The following PEX16 variants were observed in gnomAD, a reference collection of about 807,000 sequenced individuals.
PEX16 encodes the protein peroxisomal biogenesis factor 16.
Under a neutral mutation model 50.5 loss-of-function variants are expected in PEX16, and 37 were observed. That is an observed-to-expected ratio of 0.73 (90% confidence interval 0.56 to 0.96). The LOEUF is 0.96. Among genes scored for constraint, PEX16 ranks in the 40% least tolerant of loss-of-function variants. PEX16 has a pLI of 0.00. For synonymous variants in PEX16, 185 were observed against 190.3 expected (o/e 0.97, Z 0.23); for missense variants, 401 against 438.3 (o/e 0.91, Z 0.76).
intron 3 of PEX16, 93 bp downstream of exon 3, chr11:45,916,134 T>G: frequency 1.1e-6 from 1 of 939,368 alleles, no homozygotes; most frequent in South Asian, 1.3e-5. Context: ...TGTCTCATAC[T>G]CCATGAGACA....
intron 2 of PEX16, chr11:45,917,140 T>C: frequency 1.5e-6 from 1 of 648,624 alleles, no homozygotes; most frequent in Non-Finnish European, 2.9e-6. Context: ...CTGAGCTTCT[T>C]CCTTAAATGG....
chr11:45,914,116 C>A lies in PEX16; in HGVS notation c.767+15G>T, dbSNP rs770254589. On this transcript the variant is annotated intron_variant, in intron 8 of 10. Coordinates refer to ENST00000378750, the MANE Select transcript of PEX16 (RefSeq NM_004813.4). ...GCCCAGTGGAGAGTGAAGCCCCAGG[C>A]AGGCCCAGGCTCACCTGGTCACGTC... is the stretch of plus-strand genomic sequence containing the variant. 4 of 1,589,978 alleles carry A rather than the reference C, an allele frequency of 2.5e-6. No homozygotes were observed. Among genetic ancestry groups the A allele is most frequent in the Non-Finnish European group, 3.4e-6 (4 of 1,167,388 alleles).
chr11:45,913,002 T>A (rs117348264), intron 9 of PEX16, among the ~76,000 whole-genome samples: 118,893 of 150,870 alleles, frequency 0.79, 48,991 homozygotes, highest in Non-Finnish European at 0.92. Context: ...ATTATTATTT[T>A]TTTTTTTTTT....
In PEX16 at chr11:45,909,700, G is replaced by C. The variant is rs1403994119; in HGVS notation, c.*554C>G. On this transcript the variant is annotated 3_prime_UTR_variant, in exon 11 of 11. Coordinates refer to ENST00000378750, the MANE Select transcript of PEX16 (RefSeq NM_004813.4). ...AGAAAAGCCTTTTACTCTCAACCGA[G>C]GATGCAGGGCTTAAAGTGCCACTTG... is the stretch of plus-strand genomic sequence containing the variant. The C allele has an allele frequency of 1.0e-5, 3 of 290,304 alleles. No individual in the cohort carries two copies. Among genetic ancestry groups the C allele is most frequent in the South Asian group, 9.0e-5 (2 of 22,104 alleles). 18.0% of individuals were successfully genotyped at this position (290,304 alleles called of 1,614,324 possible).
rs565706311 is a variant in PEX16, at chr11:45,914,381, G to A, written c.629C>T (p.Pro210Leu). The change falls in exon 7 of 11, where the codon CCC becomes CTC. Residue 210 changes from proline to leucine, a missense_variant. Physicochemically the swap from Pro to Leu is moderately conservative, Grantham distance 98 (BLOSUM62 -3). Coordinates refer to ENST00000378750, the MANE Select transcript of PEX16 (RefSeq NM_004813.4). The stretch of plus-strand genomic sequence containing the variant: ...GGTCTCCTGCAGCCCCAGGGGGGTG[G>A]GGGTCGCACTCAGCTCCTCGTGATG... ...QQHHEELSAT[P>L]TPLGLQETIA... The A allele has an allele frequency of 2.5e-5, 40 of 1,610,416 alleles. No homozygotes were observed. Among genetic ancestry groups the A allele is most frequent in the Admixed American group, 5.0e-5 (3 of 60,012 alleles).
chr11:45,915,869 C>A (rs1293634929), intron 3 of PEX16, 33 bp from the exon 4 acceptor site: 12 of 1,609,730 alleles, frequency 7.5e-6, no homozygotes, highest in Middle Eastern at 1.6e-4. Flanking sequence ...AGTCAGGGGG[C>A]CTGGGACTAC....
chr11:45,910,802 C>G (rs983741136), intron 10 of PEX16, 96 bp downstream of exon 10: 2 of 1,174,552 alleles, frequency 1.7e-6, no homozygotes, highest in Non-Finnish European at 2.6e-6. Context: ...CTGACTGTGC[C>G]AAGAATCAAA....
chr11:45,915,951 C>G, intron 3 of PEX16, 115 bp from the exon 4 acceptor site: 3 of 1,071,906 alleles, frequency 2.8e-6, no homozygotes, highest in Non-Finnish European at 4.3e-6. Context: ...CTTTCCAAGC[C>G]TAACTGTGCA....
rs1395585318 is a variant in PEX16, at chr11:45,910,142, T to C, written c.*112A>G. 6.2e-7 allele frequency: 1 copy of C among 1,611,876 alleles called. No homozygotes were observed. The highest frequency in any genetic ancestry group is 1.3e-5 in the African/African-American group (1 of 74,982). ...GGCGACCAGGGCTGTGTGTGGGGCC[T>C]GGCCGGTAGGCACGGAGAGGCCGCA... is the stretch of plus-strand genomic sequence containing the variant. On this transcript the variant is annotated 3_prime_UTR_variant, in exon 11 of 11. Transcript: ENST00000378750.
intron 8 of PEX16, 95 bp from the exon 9 acceptor site, chr11:45,914,033 C>T: frequency 6.3e-7 from 1 of 1,580,592 alleles, no homozygotes; most frequent in Admixed American, 1.8e-5. Context: ...GGGGCAGCAA[C>T]AGGAGGAGCA....
intron 9 of PEX16, 133 bp downstream of exon 9, chr11:45,913,686 T>C: frequency 1.9e-6 from 2 of 1,036,968 alleles, no homozygotes; most frequent in Admixed American, 3.6e-5. Flanking sequence ...ATCTGGTGAC[T>C]GCCACCCGGA....
rs1132349 is a variant in PEX16 at position 45,913,833 on chromosome 11, A to G, written c.873T>C (p.Tyr291=). The stretch of plus-strand genomic sequence containing the variant: ...TGGGTGCTTACTCGGAGAAGCGGTC[A>G]TAGAAAGGAGAGCGCAGCAGGTAGT... The part of the protein sequence containing the change: ...LLYYLLRSPF[Y]DRFSEARILF... The change falls in exon 9 of 11, where the codon TAT becomes TAC. Residue 291 remains tyrosine (Y), a synonymous_variant. Transcript: ENST00000378750. 0.88 allele frequency: 1,414,403 copies of G among 1,613,690 alleles called. 633,190 individuals carry two copies. The highest frequency in any genetic ancestry group is 0.92 in the Non-Finnish European group (1,091,236 of 1,179,936).
At chr11:45,912,665 G>A (rs147083962) in intron 9 of PEX16, among the ~76,000 whole-genome samples, 2,975 of 152,092 alleles carry the variant, frequency 0.02, 97 homozygotes, top group African/African-American at 0.067. Context: ...CATCACACCT[G>A]GCTAATTTTT....
At chr11:45,918,459 C>T (rs1256659338), upstream of PEX16, 2 of 163,736 alleles carry the variant, frequency 1.2e-5, no homozygotes, top group Non-Finnish European at 2.7e-5. Flanking sequence ...AGTGCCGTCT[C>T]GATCCCCTAG....
In PEX16 at chr11:45,910,110, C is replaced by A; in HGVS notation, c.*144G>T. The A allele has an allele frequency of 6.2e-7, 1 of 1,611,584 alleles. No homozygotes were observed. Among genetic ancestry groups the A allele is most frequent in the East Asian group, 2.2e-5 (1 of 44,874 alleles). ...GCAGTCAAGGGTGTCCTGGGAGGAA[C>A]GCTGGTGGCGACCAGGGCTGTGTGT... On this transcript the variant is annotated 3_prime_UTR_variant, in exon 11 of 11. Coordinates refer to ENST00000378750, the MANE Select transcript of PEX16 (RefSeq NM_004813.4).
At chr11:45,914,038 G>A (rs1049629538) in intron 8 of PEX16, 93 bp downstream of exon 8, 1 of 1,578,274 alleles carries the variant, frequency 6.3e-7, no homozygotes, top group African/African-American at 1.3e-5. Context: ...AGCAACAGGA[G>A]GAGCAGGGGC....
intron 2 of PEX16, 48 bp from the exon 3 acceptor site, chr11:45,916,351 C>A: frequency 7.2e-7 from 1 of 1,382,288 alleles, no homozygotes; most frequent in Non-Finnish European, 1.0e-6. Flanking sequence ...CAGCCTCCAT[C>A]CCTCTCACCT....
At chr11:45,911,380 C>A (rs2086777148) in intron 9 of PEX16, among the ~76,000 whole-genome samples, 1 of 152,238 alleles carries the variant, frequency 6.6e-6, no homozygotes, top group Non-Finnish European at 1.5e-5. Context: ...TCACAAGCCA[C>A]CAATGAGAGT....
intron 8 of PEX16, 56 bp downstream of exon 8, chr11:45,914,075 A>C (rs1006056585): frequency 1.3e-6 from 2 of 1,576,450 alleles, no homozygotes; most frequent in Non-Finnish European, 1.7e-6. Context: ...ATGTGAGGCC[A>C]GGATTATAGC....
Sources: gnomAD v4.1 joint callset for allele counts (sites outside exome capture counted in the v4.1 genomes callset) on GRCh38, gnomAD v4.1.1 for gene constraint, MANE v1.5 for transcripts, NCBI Gene and HGNC (gene_info 2026-07-23, HGNC 2026-07-21) for gene names.